The following PDE3A variants were observed in gnomAD, a reference collection of about 807,000 sequenced individuals.
PDE3A encodes phosphodiesterase 3A.
PDE3A carries 43 observed loss-of-function variants against 98.3 expected under a neutral mutation model. The ratio of observed to expected loss-of-function variants is 0.44; its 90% CI spans 0.34 to 0.56. The LOEUF (loss-of-function observed/expected upper bound fraction) is 0.56. PDE3A is among the 20% of genes least tolerant of loss of function. The probability of loss-of-function intolerance (pLI) is 0.01; values close to 1 mark genes in which losing one functional copy is unlikely to be tolerated. For missense variants in PDE3A, 1,427 were observed against 1,440.7 expected, an observed-to-expected ratio of 0.99 and a Z score of 0.15; for synonymous variants, 663 against 567.9, an observed-to-expected ratio of 1.17 and a Z score of -2.38.
chr12:20,572,653 A>G (rs1484948831), intron 2 of PDE3A, among the ~76,000 whole-genome samples: 1 of 152,100 alleles, frequency 6.6e-6, no homozygotes, highest in East Asian at 1.9e-4. Context: ...GCTAAAATTT[A>G]TGAAGGAAAA....
chr12:20,599,085 C>T (rs1329348337), intron 2 of PDE3A, among the ~76,000 whole-genome samples: 1 of 152,210 alleles, frequency 6.6e-6, no homozygotes, highest in Non-Finnish European at 1.5e-5. Flanking sequence ...TTTCAACCTT[C>T]ATTTCTGCTA....
In PDE3A at chr12:20,561,326, G is replaced by T. The variant is rs1448427938; in HGVS notation, c.1011+4616G>T. ...AGAACAGATATTATAACATTAAAAG[G>T]TATTATGAACCGATTGACTTCAGTT... On this transcript the variant is annotated intron_variant, in intron 2 of 15. Coordinates refer to ENST00000359062, the MANE Select transcript of PDE3A (RefSeq NM_000921.5). Among the ~76,000 whole-genome samples the T allele has an allele frequency of 3.3e-5, 5 of 152,194 alleles. No individual in the cohort carries two copies. The South Asian group carries it at 1.0e-3, about 32-fold the overall frequency.
intron 1 of PDE3A, among the ~76,000 whole-genome samples, chr12:20,432,093 G>A (rs7489190): frequency 0.33 from 50,457 of 151,990 alleles, 10,102 homozygotes; most frequent in East Asian, 0.68. Flanking sequence ...TTTTATTTAT[G>A]GAGAAACAAG....
At chr12:20,544,475 G>C (rs1467324623) in intron 1 of PDE3A, among the ~76,000 whole-genome samples, 1 of 150,984 alleles carries the variant, frequency 6.6e-6, no homozygotes, top group African/African-American at 2.5e-5. Context: ...GGTGGAAAAT[G>C]GATTCTGGAG....
intron 1 of PDE3A, among the ~76,000 whole-genome samples, chr12:20,533,860 C>T (rs953735278): frequency 6.6e-6 from 1 of 152,128 alleles, no homozygotes; most frequent in African/African-American, 2.4e-5. Flanking sequence ...CAATAGTATA[C>T]ATTTACTAAA....
At chr12:20,625,487 G>A (rs1219149793) in intron 5 of PDE3A, among the ~76,000 whole-genome samples, 1 of 152,082 alleles carries the variant, frequency 6.6e-6, no homozygotes, top group Non-Finnish European at 1.5e-5. Context: ...CTTTAATCAT[G>A]GTATTGTGAT....
intron 15 of PDE3A, 33 bp from the exon 16 acceptor site, chr12:20,679,997 C>G (rs759541102): frequency 1.3e-6 from 2 of 1,522,162 alleles, no homozygotes; most frequent in Non-Finnish European, 1.8e-6. Context: ...ACTAAGTAGT[C>G]TGATTTGGTG....
intron 15 of PDE3A, among the ~76,000 whole-genome samples, chr12:20,666,541 A>AT (rs34673241): frequency 0.61 from 93,102 of 151,924 alleles, 28,833 homozygotes; most frequent in East Asian, 0.79. Flanking sequence ...ATTTGTCTTT[A>AT]TTGCTAGACT....
intron 2 of PDE3A, among the ~76,000 whole-genome samples, chr12:20,577,034 G>A (rs999358066): frequency 1.3e-5 from 2 of 151,968 alleles, no homozygotes; most frequent in African/African-American, 2.4e-5. Flanking sequence ...CAATACCACT[G>A]TATTAGAAGT....
intron 15 of PDE3A, among the ~76,000 whole-genome samples, chr12:20,665,394 A>G (rs575881356): frequency 5.3e-4 from 81 of 152,214 alleles, no homozygotes; most frequent in African/African-American, 1.8e-3. Flanking sequence ...AAAGGATGTA[A>G]TTCTGTGAAA....
At chr12:20,470,077 G>GTT (rs1012990287) in intron 1 of PDE3A, among the ~76,000 whole-genome samples, 4 of 145,844 alleles carry the variant, frequency 2.7e-5, no homozygotes, top group African/African-American at 1.0e-4. Flanking sequence ...TTTTTTTTCT[G>GTT]TTTTTTTTTC....
At chr12:20,634,840 CT>C in intron 7 of PDE3A, 61 bp from the exon 8 acceptor site, 1 of 1,325,552 alleles carries the variant, frequency 7.5e-7, no homozygotes, top group Non-Finnish European at 1.1e-6. Context: ...GCAAAATTTG[CT>C]TAAATGAGCC....
chr12:20,616,444 T>G, intron 4 of PDE3A, 60 bp downstream of exon 4: 1 of 1,518,962 alleles, frequency 6.6e-7, no homozygotes. Flanking sequence ...CAAAAATGAG[T>G]TATAAATTAC....
chr12:20,560,309 C>G (rs1421226504), intron 2 of PDE3A, among the ~76,000 whole-genome samples: 1 of 151,998 alleles, frequency 6.6e-6, no homozygotes, highest in Non-Finnish European at 1.5e-5. Flanking sequence ...AGACTAGAAA[C>G]AAGCTGAGGA....
intron 1 of PDE3A, among the ~76,000 whole-genome samples, chr12:20,429,427 G>T (rs980061178): frequency 2.6e-5 from 4 of 152,090 alleles, no homozygotes; most frequent in Non-Finnish European, 4.4e-5. Flanking sequence ...TTTTCAAATG[G>T]TGAAAAATTT....
intron 1 of PDE3A, among the ~76,000 whole-genome samples, chr12:20,488,830 G>A (rs7973420): frequency 0.087 from 13,068 of 149,374 alleles, 1,335 homozygotes; most frequent in African/African-American, 0.25. Flanking sequence ...GCCGTGAGCT[G>A]TAATTGCACC....
intron 10 of PDE3A, among the ~76,000 whole-genome samples, chr12:20,644,764 C>G (rs952055317): frequency 1.3e-5 from 2 of 151,940 alleles, no homozygotes; most frequent in Non-Finnish European, 2.9e-5. Context: ...ACGATTGACA[C>G]AGGTATACAA....
rs376697074 is a variant in PDE3A at position 20,598,331 on chromosome 12, C to T, written c.1012-15112C>T. 2.6e-5 allele frequency among the ~76,000 whole-genome samples: 4 copies of T among 151,904 alleles called. No homozygotes were observed. The South Asian group carries it at 8.3e-4, about 32-fold the overall frequency. On this transcript the variant is annotated intron_variant, in intron 2 of 15. Transcript: ENST00000359062. ...CTGAGTAGCTGGGATTACAGGCTCCCACCACCACGCCCGGCTAATTTTTTG... is the reference window on the plus strand; with the variant it reads ...CTGAGTAGCTGGGATTACAGGCTCCTACCACCACGCCCGGCTAATTTTTTG...
chr12:20,449,521 G>T (rs1945024478), intron 1 of PDE3A: 1 of 220,554 alleles, frequency 4.5e-6, no homozygotes, highest in Admixed American at 5.7e-5. Context: ...GTTGGTAACT[G>T]CCAAAGTGGT....
Sources: allele counts gnomAD v4.1 joint callset (sites outside exome capture counted in the v4.1 genomes callset), GRCh38; gene constraint gnomAD v4.1.1; transcripts MANE v1.5; gene names NCBI Gene and HGNC (gene_info 2026-07-23, HGNC 2026-07-21).